NEBL: variants seen among roughly 807,000 people sequenced by gnomAD.
NEBL encodes the protein LIM and SH3 protein 2.
NEBL carries 122 observed loss-of-function variants against 140.2 expected under a neutral mutation model. That is an observed-to-expected ratio of 0.87 (90% CI 0.75 to 1.01). The LOEUF is 1.01. Among genes scored for constraint, NEBL ranks in the 50% least tolerant of loss-of-function variants. The pLI, the probability that NEBL is intolerant of heterozygous loss-of-function variation, is 0.00. For synonymous variants in NEBL, 436 were observed against 398.9 expected, an observed-to-expected ratio of 1.09 and a Z score of -1.11; for missense variants, 1,365 against 1,231.3, an observed-to-expected ratio of 1.11 and a Z score of -1.62.
At chr10:20,809,045 G>C in intron 25 of NEBL, among the ~76,000 whole-genome samples, 1 of 152,256 alleles carries the variant, frequency 6.6e-6, no homozygotes, top group East Asian at 1.9e-4. Context: ...AAGTGACACT[G>C]TTTGGCTAAC....
intron 3 of NEBL, among the ~76,000 whole-genome samples, chr10:21,243,149 C>T (rs987279607): frequency 2.0e-5 from 3 of 152,170 alleles, no homozygotes; most frequent in East Asian, 1.9e-4. Context: ...GCTCCTGTTC[C>T]GGGAGTGGGA....
At chr10:21,211,775 T>C (rs1841919377) in intron 3 of NEBL, among the ~76,000 whole-genome samples, 1 of 152,156 alleles carries the variant, frequency 6.6e-6, no homozygotes, top group African/African-American at 2.4e-5. Context: ...GATCCTTTTG[T>C]TGGGGAAGGA....
At chr10:21,070,042 C>G (rs1275059008) in intron 2 of NEBL, 2 of 455,636 alleles carry the variant, frequency 4.4e-6, no homozygotes, top group Non-Finnish European at 8.8e-6. Flanking sequence ...GGTGTCACCT[C>G]CACACAAAGC....
chr10:20,822,331 T>C (rs1280458180), intron 19 of NEBL, among the ~76,000 whole-genome samples: 4 of 151,966 alleles, frequency 2.6e-5, no homozygotes, highest in Non-Finnish European at 4.4e-5. Context: ...TAGACTAATA[T>C]ATATATATGT....
At chr10:20,952,730 C>G (rs1350527379) in intron 4 of NEBL, among the ~76,000 whole-genome samples, 2 of 150,940 alleles carry the variant, frequency 1.3e-5, no homozygotes, top group African/African-American at 2.4e-5. Context: ...TATGGCGAAA[C>G]CCCATTTCTA....
intron 4 of NEBL, among the ~76,000 whole-genome samples, chr10:20,919,205 A>G (rs1367981688): frequency 6.6e-6 from 1 of 152,212 alleles, no homozygotes; most frequent in Admixed American, 6.5e-5. Flanking sequence ...TTAGTCTCTC[A>G]TGATTTCCGA....
intron 2 of NEBL, among the ~76,000 whole-genome samples, chr10:21,057,868 T>G (rs1242019523): frequency 1.3e-5 from 2 of 152,186 alleles, no homozygotes; most frequent in African/African-American, 2.4e-5. Flanking sequence ...TATTCATAAC[T>G]TAACATGACA....
At chr10:21,228,901 C>T (rs1589338393) in intron 3 of NEBL, among the ~76,000 whole-genome samples, 1 of 152,078 alleles carries the variant, frequency 6.6e-6, no homozygotes, top group Admixed American at 6.6e-5. Context: ...TTAGTAGTAG[C>T]CCATGGGTTG....
exon 4 of NEBL, chr10:20,961,745 C>G: frequency 1.2e-6 from 2 of 1,613,884 alleles, no homozygotes; most frequent in South Asian, 2.2e-5. Context: ...GAAGCCCCTC[C>G]CTTTGCTTTC....
chr10:20,835,379 G>A (rs190518654), intron 14 of NEBL, 134 bp downstream of exon 14: 69 of 784,892 alleles, frequency 8.8e-5, no homozygotes, highest in Middle Eastern at 4.5e-4. Flanking sequence ...ATAATGCTTC[G>A]GAATAGTCTC....
chr10:20,997,590 G>C (rs979239654), intron 3 of NEBL, among the ~76,000 whole-genome samples: 1 of 143,706 alleles, frequency 7.0e-6, no homozygotes, highest in Non-Finnish European at 1.5e-5. Flanking sequence ...TGTTCAACCA[G>C]TTCCTAACAA....
upstream of NEBL, among the ~76,000 whole-genome samples, chr10:21,175,433 C>A (rs576438128): frequency 6.6e-6 from 1 of 152,172 alleles, no homozygotes; most frequent in Non-Finnish European, 1.5e-5. Flanking sequence ...CCGTTGCTAG[C>A]GCACAGATTA....
At chr10:20,883,387 C>G (rs141020845) in intron 4 of NEBL, among the ~76,000 whole-genome samples, 1 of 152,184 alleles carries the variant, frequency 6.6e-6, no homozygotes, top group African/African-American at 2.4e-5. Context: ...CCAACATACT[C>G]CATCAAGATA....
At chr10:21,236,796 C>A (rs1391049227) in intron 3 of NEBL, among the ~76,000 whole-genome samples, 1 of 152,184 alleles carries the variant, frequency 6.6e-6, no homozygotes, top group Non-Finnish European at 1.5e-5. Context: ...CTACTAAACT[C>A]CACTAACAAC....
intron 26 of NEBL, among the ~76,000 whole-genome samples, chr10:20,789,050 G>A (rs893148615): frequency 3.2e-4 from 49 of 152,116 alleles, no homozygotes; most frequent in African/African-American, 1.1e-3. Flanking sequence ...GAAGAAAAGG[G>A]GTGACAAAAA....
At chr10:20,860,734 T>G (rs1843620124) in intron 7 of NEBL, among the ~76,000 whole-genome samples, 1 of 152,198 alleles carries the variant, frequency 6.6e-6, no homozygotes, top group South Asian at 2.1e-4. Flanking sequence ...TCTAACAACA[T>G]TCTGATAATG....
chr10:21,136,010 T>G (rs1325080868), intron 2 of NEBL, among the ~76,000 whole-genome samples: 1 of 152,214 alleles, frequency 6.6e-6, no homozygotes, highest in Non-Finnish European at 1.5e-5. Context: ...GAGGAAGCCC[T>G]TCTTCAATTC....
intron 2 of NEBL, among the ~76,000 whole-genome samples, chr10:21,040,178 C>A (rs1379705561): frequency 6.6e-6 from 1 of 151,892 alleles, no homozygotes; most frequent in Non-Finnish European, 1.5e-5. Flanking sequence ...CCATCCTGGC[C>A]AACATGATGA....
At chr10:21,005,609 T>C (rs1343471068) in intron 3 of NEBL, among the ~76,000 whole-genome samples, 1 of 152,044 alleles carries the variant, frequency 6.6e-6, no homozygotes, top group Admixed American at 6.6e-5. Context: ...TGGTGCACAC[T>C]TGTGATCCCC....
Sources: gnomAD v4.1 joint callset for allele counts (sites outside exome capture counted in the v4.1 genomes callset) on GRCh38, gnomAD v4.1.1 for gene constraint, MANE v1.5 for transcripts, NCBI Gene and HGNC (gene_info 2026-07-23, HGNC 2026-07-21) for gene names.